The following ABHD11 variants were observed in gnomAD, a reference collection of about 807,000 sequenced individuals.
ABHD11 encodes sn-1-specific diacylglycerol lipase ABHD11.
ABHD11 carries 26 observed loss-of-function variants against 29.0 expected under a neutral mutation model. The observed-to-expected ratio is 0.90, with a 90% CI of 0.66 to 1.24. The LOEUF is 1.24. Among genes scored for constraint, ABHD11 ranks in the 50% most tolerant of loss-of-function variants. The pLI is 0.00. For synonymous variants in ABHD11, 169 were observed against 166.4 expected (o/e 1.02, Z -0.12); for missense variants, 381 against 422.4 (o/e 0.90, Z 0.86).
At position 73,738,360 on chromosome 7, in the gene ABHD11, C is replaced by G; in HGVS notation, c.229G>C (p.Ala77Pro). 3 of 1,519,896 alleles carry G rather than the reference C, an allele frequency of 2.0e-6. No individual in the cohort carries two copies. Among genetic ancestry groups the G allele is most frequent in the African/African-American group, 2.8e-5 (2 of 71,900 alleles). 94.2% of individuals were successfully genotyped at this position (1,519,896 alleles called of 1,614,324 possible). ...FGSKTNFNSI[A>P]KILAQQTGRR... ...CCTGTCTGCTGGGCCAAGATCTTGG[C>G]GATGGAGTTGAAGTTAGTTTTGCTG... The change falls in exon 2 of 6, where the codon GCC (alanine) becomes CCC (proline). Residue 77 changes from alanine (A) to proline (P), a missense_variant. Ala to Pro is a conservative substitution (Grantham distance 27, BLOSUM62 -1). Coordinates refer to ENST00000222800, the MANE Select transcript of ABHD11 (RefSeq NM_148912.4).
Position 73,737,585 on chromosome 7 carries a change from C to A in ABHD11, c.412G>T (p.Ala138Ser), listed in dbSNP as rs1554622369. ...ACCCTCTGTAGTGCCAGCAGCATGG[C>A]TGTCTTTCCTCCCATGCTGTGGCCA... ...VVGHSMGGKT[A>S]MLLALQRPEL... Residue 138 changes from alanine (A) to serine (S), a missense_variant, in exon 3 of 6, where the codon GCC (alanine) becomes TCC (serine). Coordinates refer to ENST00000222800, the MANE Select transcript of ABHD11 (RefSeq NM_148912.4). 1 of 1,610,946 alleles carries A rather than the reference C, an allele frequency of 6.2e-7. No individual in the cohort carries two copies. Among genetic ancestry groups the A allele is most frequent in the East Asian group, 2.2e-5 (1 of 44,866 alleles).
At position 73,738,651 on chromosome 7, in the gene ABHD11, C is replaced by T; in HGVS notation, c.120G>A (p.Glu40=). 1 of 1,593,718 alleles carries T rather than the reference C, an allele frequency of 6.3e-7. No homozygotes were observed. Among genetic ancestry groups the T allele is most frequent in the Non-Finnish European group, 8.5e-7 (1 of 1,172,620 alleles). ...SSSSGGRGGA[E]PRPLPLSYRL... ...GCCCGGTGCCCTTGACTGACCTCGG[C>T]TCGGCGCCCCCTCGGCCGCCGCTGC... The change falls in exon 1 of 6, where the codon GAG becomes GAA. Residue 40 remains glutamate, a synonymous_variant. Coordinates refer to ENST00000222800, the MANE Select transcript of ABHD11 (RefSeq NM_148912.4).
In ABHD11 at chr7:73,738,308, C is replaced by A; in HGVS notation, c.261+20G>T. 6.2e-7 allele frequency: 1 copy of A among 1,606,848 alleles called. No homozygotes were observed. Among genetic ancestry groups the A allele is most frequent in the South Asian group, 1.1e-5 (1 of 90,434 alleles). ...ACTCCCGCCCAGCCCCAAAGGAGCC[C>A]CGCCCACTCGAAAGCTCACCCTACG... is the stretch of plus-strand genomic sequence containing the variant. On this transcript the variant is annotated intron_variant, in intron 2 of 5. Transcript: ENST00000222800.
At position 73,737,645 on chromosome 7, in the gene ABHD11, G is replaced by A. The variant is rs1554622430; in HGVS notation, c.352C>T (p.Leu118=). ...CAGGGCACCAGGCCCAGCTGGGGCA[G>A]AAGGTCCTGCAGGTCCTGGCTCATG... ...EIMSQDLQDL[L]PQLGLVPCVV... The change falls in exon 3 of 6, where the codon CTG becomes TTG. Residue 118 remains leucine, a synonymous_variant. Coordinates refer to ENST00000222800, the MANE Select transcript of ABHD11 (RefSeq NM_148912.4). The A allele has an allele frequency of 6.2e-7, 1 of 1,614,134 alleles. No individual in the cohort carries two copies. Among genetic ancestry groups the A allele is most frequent in the Non-Finnish European group, 8.5e-7 (1 of 1,180,014 alleles).
Position 73,737,098 on chromosome 7 carries a change from G to T in ABHD11, c.619C>A (p.Arg207=). ...LSSVIQDMAV[R]QHLLTNLVEV... ...ACCAGGTTAGTGAGCAGGTGCTGCC[G>T]CACGGCCATGTCCTGTGGGGGTGCA... Residue 207 remains arginine (R), a synonymous_variant, in exon 5 of 6, where the codon CGG becomes AGG. Coordinates refer to ENST00000222800, the MANE Select transcript of ABHD11 (RefSeq NM_148912.4). The T allele has an allele frequency of 6.2e-7, 1 of 1,613,838 alleles. No individual in the cohort carries two copies. The highest frequency in any genetic ancestry group is 1.1e-5 in the South Asian group (1 of 91,084).
chr7:73,737,700 G>A lies in ABHD11; in HGVS notation c.297C>T (p.Ser99=), dbSNP rs782786923. 3.3e-5 allele frequency: 53 copies of A among 1,613,696 alleles called. No homozygotes were observed. In the Middle Eastern group the frequency reaches 8.2e-4, roughly 25 times the overall value. The change falls in exon 3 of 6, where the codon AGC becomes AGT. Residue 99 remains serine (S), a synonymous_variant. Coordinates refer to ENST00000222800, the MANE Select transcript of ABHD11 (RefSeq NM_148912.4). Reference sequence around the variant, plus strand: ...CGTAGCTCATGTCTGGGCTGTGGGGGCTGTCACCGTGGTTACGAGCATCCA... The same window carrying A: ...CGTAGCTCATGTCTGGGCTGTGGGGACTGTCACCGTGGTTACGAGCATCCA... ...LTVDARNHGD[S]PHSPDMSYEI... is the part of the protein sequence containing the mutation.
At position 73,738,364 on chromosome 7, in the gene ABHD11, G is replaced by A. The variant is rs565599030; in HGVS notation, c.225C>T (p.Ser75=). 297 of 1,612,768 alleles carry A rather than the reference G, an allele frequency of 1.8e-4. 3 individuals are homozygous for A. The South Asian group carries it at 3.1e-3, about 17-fold the overall frequency. ...TCTGCTGGGCCAAGATCTTGGCGAT[G>A]GAGTTGAAGTTAGTTTTGCTGCCGA... ...GLFGSKTNFN[S]IAKILAQQTG... is the part of the protein sequence containing the mutation. The change falls in exon 2 of 6, where the codon TCC becomes TCT. Residue 75 remains serine, a synonymous_variant. Coordinates refer to ENST00000222800, the MANE Select transcript of ABHD11 (RefSeq NM_148912.4).
intron 1 of ABHD11, 42 bp from the exon 2 acceptor site, chr7:73,738,505 G>A (rs1800204130): frequency 6.3e-7 from 1 of 1,591,690 alleles, no homozygotes; most frequent in Middle Eastern, 1.7e-4. Context: ...AGCCGGCGGA[G>A]ACGGGGAAAG....
intron 2 of ABHD11, 148 bp from the exon 3 acceptor site, chr7:73,737,883 GC>G: frequency 1.6e-6 from 2 of 1,251,850 alleles, no homozygotes; most frequent in Non-Finnish European, 2.2e-6. Flanking sequence ...GACCTAGGAG[GC>G]CCAGATGAAG....
chr7:73,738,226 G>A lies in ABHD11; in HGVS notation c.261+102C>T, dbSNP rs1189416366. ...GGTCCATACTCAGAGTGAGGGATCT[G>A]GAAGTGAGCGTGAGAAGCGGGACCC... On this transcript the variant is annotated intron_variant, in intron 2 of 5. Transcript: ENST00000222800. 5 of 1,477,414 alleles carry A rather than the reference G, an allele frequency of 3.4e-6. No homozygotes were observed. The Admixed American group carries it at 8.1e-5, about 24-fold the overall frequency. 91.5% of individuals were successfully genotyped at this position (1,477,414 alleles called of 1,614,324 possible).
At position 73,736,578 on chromosome 7, in the gene ABHD11, A is replaced by G. The variant is rs145100543; in HGVS notation, c.902T>C (p.Ile301Thr). ...ADRPQDFIAAIRGFLV is the reference protein window; with the variant it reads ...ADRPQDFIAATRGFLV ...CAACTCTTAGACCAGGAAGCCTCGG[A>G]TGGCAGCTATGAAGTCCTGTGGGCG... The change falls in exon 6 of 6, where the codon ATC (isoleucine) becomes ACC (threonine). Residue 301 changes from isoleucine (I) to threonine (T), a missense_variant. Physicochemically the swap from Ile to Thr is moderately conservative, Grantham distance 89. Transcript: ENST00000222800. 23 of 1,613,874 alleles carry G rather than the reference A, an allele frequency of 1.4e-5. No homozygotes were observed. In the African/African-American group the frequency reaches 2.3e-4, roughly 16 times the overall value.
intron 5 of ABHD11, 58 bp downstream of exon 5, chr7:73,736,871 C>A: frequency 1.3e-6 from 2 of 1,587,772 alleles, no homozygotes; most frequent in Non-Finnish European, 1.7e-6. Context: ...TGGTAGGGTC[C>A]CCAGGCTGGG....
chr7:73,738,285 T>TA, intron 2 of ABHD11, 43 bp downstream of exon 2: 26 of 786,678 alleles, frequency 3.3e-5, no homozygotes, highest in Middle Eastern at 2.8e-4. Flanking sequence ...CCCCGCCCAC[T>TA]CCCGCCCAGC....
Position 73,737,112 on chromosome 7 carries a change from T to C in ABHD11, c.607-2A>G, listed in dbSNP as rs1554622102. The C allele has an allele frequency of 6.2e-7, 1 of 1,613,898 alleles. No individual in the cohort carries two copies. Among genetic ancestry groups the C allele is most frequent in the Non-Finnish European group, 8.5e-7 (1 of 1,180,030 alleles). On this transcript the variant is annotated splice_acceptor_variant, in intron 4 of 5. Transcript: ENST00000222800. LOFTEE classifies it high-confidence loss of function. The stretch of plus-strand genomic sequence containing the variant: ...CAGGTGCTGCCGCACGGCCATGTCC[T>C]GTGGGGGTGCAGCAGTTGGGGGAGG...
chr7:73,738,441 G>A lies in ABHD11; in HGVS notation c.148C>T (p.Leu50Phe), dbSNP rs1554622845. 6 of 1,611,314 alleles carry A rather than the reference G, an allele frequency of 3.7e-6. No homozygotes were observed. Among genetic ancestry groups the A allele is most frequent in the Non-Finnish European group, 5.1e-6 (6 of 1,178,772 alleles). ...GGGAGGGCTGCCTCCCCGTCCAGAA[G>A]CCTGTAGGAAAGCGGAAGCGGCCTG... ...EPRPLPLSYR[L>F]LDGEAALPAV... Residue 50 changes from leucine (L) to phenylalanine (F), a missense_variant, in exon 2 of 6, where the codon CTT becomes TTT. Leu to Phe is a conservative substitution (Grantham distance 22). Transcript: ENST00000222800.
rs781826958 is a variant in ABHD11 at position 73,738,388 on chromosome 7, G to C, written c.201C>G (p.Phe67Leu). The C allele has an allele frequency of 5.6e-6, 9 of 1,612,488 alleles. No individual in the cohort carries two copies. Among genetic ancestry groups the C allele is most frequent in the Non-Finnish European group, 6.8e-6 (8 of 1,179,298 alleles). The change falls in exon 2 of 6, where the codon TTC becomes TTG. Residue 67 changes from phenylalanine to leucine, a missense_variant. Physicochemically the swap from Phe to Leu is conservative, Grantham distance 22 (BLOSUM62 0). Transcript: ENST00000222800. ...TGGAGTTGAAGTTAGTTTTGCTGCC[G>C]AAGAGCCCGTGCAAAAAGACGACGG... ...LPAVVFLHGLFGSKTNFNSIA... is the reference protein window; with the variant it reads ...LPAVVFLHGLLGSKTNFNSIA...
rs925125916 is a variant in ABHD11 at position 73,737,201 on chromosome 7, G to A, written c.606+20C>T. ...AGGTCCTGGTCTACAATACCATCCG[G>A]GGCACCTTGGGTGTATCACCTGGAT... is the stretch of plus-strand genomic sequence containing the variant. On this transcript the variant is annotated intron_variant, in intron 4 of 5. Transcript: ENST00000222800. The A allele has an allele frequency of 6.2e-7, 1 of 1,613,888 alleles. No individual in the cohort carries two copies.
chr7:73,738,245 G>T (rs1800135998), intron 2 of ABHD11, 83 bp downstream of exon 2: 3 of 1,462,378 alleles, frequency 2.1e-6, no homozygotes, highest in Admixed American at 4.4e-5. Flanking sequence ...CGTGAGAAGC[G>T]GGACCCCCCC....
In ABHD11 at chr7:73,736,609, C is replaced by T. The variant is rs1000817951; in HGVS notation, c.871G>A (p.Ala291Thr). The T allele has an allele frequency of 1.8e-5, 29 of 1,613,890 alleles. No individual in the cohort carries two copies. The highest frequency in any genetic ancestry group is 6.7e-5 in the Admixed American group (4 of 59,974). The change falls in exon 6 of 6, where the codon GCT becomes ACT. Residue 291 changes from alanine to threonine, a missense_variant. Ala to Thr is a moderately conservative substitution (Grantham distance 58). Coordinates refer to ENST00000222800, the MANE Select transcript of ABHD11 (RefSeq NM_148912.4). Reference sequence around the variant, plus strand: ...GCTATGAAGTCCTGTGGGCGGTCAGCGTGGATCCAGTGGCCAGCGTTCGGC... The same window carrying T: ...GCTATGAAGTCCTGTGGGCGGTCAGTGTGGATCCAGTGGCCAGCGTTCGGC... Reference protein sequence around the residue: ...TVPNAGHWIHADRPQDFIAAI... With the variant: ...TVPNAGHWIHTDRPQDFIAAI...
Sources: gnomAD v4.1 joint callset for allele counts on GRCh38, gnomAD v4.1.1 for gene constraint, MANE v1.5 for transcripts, NCBI Gene and HGNC (gene_info 2026-07-23, HGNC 2026-07-21) for gene names.